VTI1A: variants seen among roughly 807,000 people sequenced by gnomAD.
VTI1A encodes vesicle transport through interaction with t-SNAREs homolog 1A.
In VTI1A, 22 loss-of-function variants were observed where a neutral mutation model predicts 34.9. The observed-to-expected ratio is 0.63, with a 90% CI of 0.45 to 0.90. VTI1A has a LOEUF of 0.90. VTI1A is among the 40% of genes least tolerant of loss of function. The pLI is 0.00. For synonymous variants in VTI1A, 87 were observed against 97.3 expected (o/e 0.89, Z 0.62); for missense variants, 268 against 275.6 (o/e 0.97, Z 0.20).
intron 5 of VTI1A, among the ~76,000 whole-genome samples, chr10:112,543,182 G>T (rs1414793580): frequency 6.6e-6 from 1 of 152,186 alleles, no homozygotes; most frequent in East Asian, 1.9e-4. Context: ...TAATCCTTTG[G>T]GTATATACCC....
At chr10:112,768,330 A>C (rs986480585) in intron 7 of VTI1A, among the ~76,000 whole-genome samples, 3 of 152,184 alleles carry the variant, frequency 2.0e-5, no homozygotes, top group Non-Finnish European at 4.4e-5. Flanking sequence ...TGGGATGAAT[A>C]GAGCAGGACG....
intron 7 of VTI1A, among the ~76,000 whole-genome samples, chr10:112,702,801 G>T (rs1488880441): frequency 1.3e-5 from 2 of 152,188 alleles, no homozygotes; most frequent in East Asian, 3.9e-4. Context: ...GGCCAGGCTG[G>T]TGTTGAACTC....
Position 112,763,552 on chromosome 10 carries a change from T to A in VTI1A, c.561-51738T>A, listed in dbSNP as rs79946006. Among the ~76,000 whole-genome samples the A allele has an allele frequency of 4.7e-3, 722 of 152,328 alleles. 8 individuals carry two copies. The highest frequency in any genetic ancestry group is 0.017 in the African/African-American group (694 of 41,568). On this transcript the variant is annotated intron_variant, in intron 7 of 7. Coordinates refer to ENST00000393077, the MANE Select transcript of VTI1A (RefSeq NM_145206.4). ...GAGGTTGAATTGAGTTCTTGCTTCT[T>A]TTCTGCCCGTTTATACTAAGAGCAT...
At chr10:112,570,450 C>G (rs1852076939) in intron 5 of VTI1A, among the ~76,000 whole-genome samples, 1 of 152,050 alleles carries the variant, frequency 6.6e-6, no homozygotes, top group Non-Finnish European at 1.5e-5. Context: ...TTTTGTAATA[C>G]TTTGGATATT....
At chr10:112,534,181 C>G (rs566074497) in intron 4 of VTI1A, among the ~76,000 whole-genome samples, 3 of 152,224 alleles carry the variant, frequency 2.0e-5, no homozygotes, top group African/African-American at 7.2e-5. Context: ...TGGACTGTTT[C>G]ATAATGCAAC....
chr10:112,492,512 A>G (rs572466535), intron 3 of VTI1A, among the ~76,000 whole-genome samples: 1 of 152,156 alleles, frequency 6.6e-6, no homozygotes, highest in African/African-American at 2.4e-5. Flanking sequence ...CAAATTGGCC[A>G]GGCACAGTGA....
chr10:112,827,798 T>C, the VTI1A span: 1 of 152,234 alleles, frequency 6.6e-6, no homozygotes, highest in Non-Finnish European at 1.5e-5. Flanking sequence ...GAAGGTTAGT[T>C]CAAAATCTTC....
At chr10:112,454,115 T>C (rs1271939912) in intron 1 of VTI1A, among the ~76,000 whole-genome samples, 2 of 152,212 alleles carry the variant, frequency 1.3e-5, no homozygotes, top group Admixed American at 6.5e-5. Context: ...AAATTATCTG[T>C]TCCTCTCTTA....
intron 7 of VTI1A, among the ~76,000 whole-genome samples, chr10:112,727,029 AG>A (rs1850055406): frequency 6.6e-6 from 1 of 152,214 alleles, no homozygotes; most frequent in Non-Finnish European, 1.5e-5. Context: ...ACAACATGCA[AG>A]CATATGGTCC....
intron 5 of VTI1A, among the ~76,000 whole-genome samples, chr10:112,632,663 C>T (rs565279237): frequency 5.3e-5 from 8 of 152,196 alleles, no homozygotes; most frequent in South Asian, 4.1e-4. Context: ...TATAGTGTAC[C>T]GGCCAGAAAT....
In VTI1A at chr10:112,668,273, G is replaced by A; in HGVS notation, c.483G>A (p.Gln161=). ...TTAGTCATGACAGAGAAAAGATACA[G>A]CGAGCACGTGAAAGAGTAAGTACAA... is the stretch of plus-strand genomic sequence containing the variant. The part of the protein sequence containing the change: ...ENLSHDREKI[Q]RARERLRETD... Residue 161 remains glutamine (Q), a synonymous_variant, in exon 6 of 8, where the codon CAG becomes CAA. Transcript: ENST00000393077. The A allele has an allele frequency of 6.2e-7, 1 of 1,612,524 alleles. No individual in the cohort carries two copies. Among genetic ancestry groups the A allele is most frequent in the South Asian group, 1.1e-5 (1 of 90,978 alleles).
intron 3 of VTI1A, among the ~76,000 whole-genome samples, chr10:112,490,250 A>G (rs1024020264): frequency 6.6e-6 from 1 of 152,172 alleles, no homozygotes; most frequent in African/African-American, 2.4e-5. Flanking sequence ...CAACAACAAC[A>G]ACAAAATAGT....
chr10:112,714,938 A>T (rs936449882), intron 7 of VTI1A, among the ~76,000 whole-genome samples: 1 of 152,242 alleles, frequency 6.6e-6, no homozygotes, highest in Non-Finnish European at 1.5e-5. Context: ...TAGAATTGTC[A>T]TCAGCGTTGC....
chr10:112,657,371 G>A (rs1468166794), intron 5 of VTI1A, among the ~76,000 whole-genome samples: 2 of 151,806 alleles, frequency 1.3e-5, no homozygotes, highest in African/African-American at 2.4e-5. Context: ...TTCTTTCTGT[G>A]TGCTCAGAAG....
At chr10:112,594,632 T>G (rs2134446002) in intron 5 of VTI1A, among the ~76,000 whole-genome samples, 1 of 152,074 alleles carries the variant, frequency 6.6e-6, no homozygotes, top group South Asian at 2.1e-4. Flanking sequence ...CAAGGAGAAC[T>G]ACAAACCACT....
chr10:112,837,482 C>G, the VTI1A span, among the ~76,000 whole-genome samples: 1 of 152,170 alleles, frequency 6.6e-6, no homozygotes, highest in Non-Finnish European at 1.5e-5. Context: ...AACCCTCCCC[C>G]ACAGCTCAAT....
intron 7 of VTI1A, among the ~76,000 whole-genome samples, chr10:112,692,875 C>G (rs1848654761): frequency 6.6e-6 from 1 of 152,236 alleles, no homozygotes; most frequent in Non-Finnish European, 1.5e-5. Flanking sequence ...CATCTCCCCA[C>G]CAGACAGTGA....
chr10:112,460,244 C>A (rs564858226), intron 1 of VTI1A, among the ~76,000 whole-genome samples: 1 of 152,216 alleles, frequency 6.6e-6, no homozygotes, highest in Admixed American at 6.5e-5. Flanking sequence ...CTTAGTCTCT[C>A]CTAAAGGGCA....
chr10:112,825,913 TA>T, the VTI1A span: 2 of 152,112 alleles, frequency 1.3e-5, no homozygotes, highest in African/African-American at 4.8e-5. Context: ...TTGCACAATA[TA>T]AAAAGGAATG....
Sources: gnomAD v4.1 joint callset for allele counts (sites outside exome capture counted in the v4.1 genomes callset) on GRCh38, gnomAD v4.1.1 for gene constraint, MANE v1.5 for transcripts, NCBI Gene and HGNC (gene_info 2026-07-23, HGNC 2026-07-21) for gene names.